Variants in NR3C2 observed in about 807,000 individuals in gnomAD.
The protein encoded by NR3C2 is mineralocorticoid receptor.
Under a neutral mutation model 86.4 loss-of-function variants are expected in NR3C2, and 15 were observed. The observed-to-expected ratio is 0.17, with a 90% CI of 0.12 to 0.27. NR3C2 has a LOEUF of 0.27. NR3C2 is among the 10% of genes least tolerant of loss of function. NR3C2 has a pLI of 1.00. For missense variants in NR3C2, 960 were observed against 1,195.6 expected, an observed-to-expected ratio of 0.80 and a Z score of 2.91; for synonymous variants, 458 against 450.5, an observed-to-expected ratio of 1.02 and a Z score of -0.21.
intron 2 of NR3C2, among the ~76,000 whole-genome samples, chr4:148,297,971 A>G (rs143004827): frequency 7.4e-4 from 113 of 152,142 alleles, no homozygotes; most frequent in African/African-American, 2.5e-3. Flanking sequence ...AGTAAAAGGA[A>G]CTCTCAGGCA....
chr4:148,257,090 T>C (rs1329795588), intron 3 of NR3C2, among the ~76,000 whole-genome samples: 1 of 152,200 alleles, frequency 6.6e-6, no homozygotes, highest in African/African-American at 2.4e-5. Flanking sequence ...CTGTTCCTGG[T>C]GCCATTATTT....
At chr4:148,291,252 T>C (rs890000861) in intron 2 of NR3C2, among the ~76,000 whole-genome samples, 2 of 152,112 alleles carry the variant, frequency 1.3e-5, no homozygotes, top group African/African-American at 2.4e-5. Context: ...TTTTTTTCCC[T>C]AACCATTCCA....
chr4:148,386,436 A>G (rs939813324), intron 2 of NR3C2, among the ~76,000 whole-genome samples: 1 of 152,186 alleles, frequency 6.6e-6, no homozygotes, highest in Non-Finnish European at 1.5e-5. Flanking sequence ...GGCCACAAAC[A>G]CTATGATTAA....
At chr4:148,325,866 T>C (rs1179949935) in intron 2 of NR3C2, among the ~76,000 whole-genome samples, 1 of 152,146 alleles carries the variant, frequency 6.6e-6, no homozygotes, top group Non-Finnish European at 1.5e-5. Flanking sequence ...ATTTTTTCCA[T>C]TAAGTAGGAG....
intron 2 of NR3C2, among the ~76,000 whole-genome samples, chr4:148,345,679 T>G (rs978560149): frequency 2.0e-5 from 3 of 151,930 alleles, no homozygotes; most frequent in Non-Finnish European, 4.4e-5. Flanking sequence ...GAAGCTGCGA[T>G]GTTCCAAAGG....
intron 8 of NR3C2, among the ~76,000 whole-genome samples, chr4:148,084,198 C>T (rs1730706628): frequency 6.6e-6 from 1 of 152,128 alleles, no homozygotes; most frequent in Non-Finnish European, 1.5e-5. Flanking sequence ...AGAAGAGCAA[C>T]TCCAAGACAC....
intron 6 of NR3C2, among the ~76,000 whole-genome samples, chr4:148,138,096 A>G (rs1733432128): frequency 6.6e-6 from 1 of 152,160 alleles, no homozygotes; most frequent in African/African-American, 2.4e-5. Context: ...TGAGAGCGTA[A>G]AGGGTCCTGA....
intron 2 of NR3C2, among the ~76,000 whole-genome samples, chr4:148,285,123 G>T (rs1741448749): frequency 6.6e-6 from 1 of 152,196 alleles, no homozygotes; most frequent in South Asian, 2.1e-4. Context: ...CCCTACAACT[G>T]TCATGTGATT....
At chr4:148,144,082 C>T (rs1201288771) in intron 6 of NR3C2, among the ~76,000 whole-genome samples, 4 of 152,000 alleles carry the variant, frequency 2.6e-5, no homozygotes, top group Non-Finnish European at 5.9e-5. Context: ...CTATCTTCTG[C>T]GTGCTCAGTC....
At chr4:148,336,218 A>G (rs148858433) in intron 2 of NR3C2, among the ~76,000 whole-genome samples, 48 of 152,288 alleles carry the variant, frequency 3.2e-4, no homozygotes, top group African/African-American at 1.1e-3. Flanking sequence ...GAGCTGCAGG[A>G]TAATGGCAGC....
At chr4:148,093,054 T>A (rs1199866184) in intron 8 of NR3C2, among the ~76,000 whole-genome samples, 2 of 152,246 alleles carry the variant, frequency 1.3e-5, no homozygotes, top group Non-Finnish European at 2.9e-5. Flanking sequence ...GGAAGATTTA[T>A]GCATTGACTT....
chr4:148,358,308 C>A (rs566986498), intron 2 of NR3C2, among the ~76,000 whole-genome samples: 3 of 152,156 alleles, frequency 2.0e-5, no homozygotes, highest in Admixed American at 1.3e-4. Flanking sequence ...ATGATGAGTT[C>A]ATGTCCTTTG....
chr4:148,223,084 G>A (rs77257461), intron 3 of NR3C2, among the ~76,000 whole-genome samples: 2,553 of 152,198 alleles, frequency 0.017, 28 homozygotes, highest in Non-Finnish European at 0.028. Context: ...TTTTAAAAGC[G>A]ACACAAATTG....
chr4:148,418,270 T>C (rs1749108454), intron 2 of NR3C2, among the ~76,000 whole-genome samples: 1 of 152,190 alleles, frequency 6.6e-6, no homozygotes, highest in Admixed American at 6.5e-5. Context: ...TGAGTATTGA[T>C]TTTTATGAAT....
chr4:148,294,854 G>A (rs962557540), intron 2 of NR3C2, among the ~76,000 whole-genome samples: 15 of 152,034 alleles, frequency 9.9e-5, no homozygotes, highest in African/African-American at 3.6e-4. Flanking sequence ...AGGGTGTGGT[G>A]GCACATGCTT....
chr4:148,107,123 C>G (rs4613545), intron 8 of NR3C2, among the ~76,000 whole-genome samples: 1 of 152,036 alleles, frequency 6.6e-6, no homozygotes, highest in Non-Finnish European at 1.5e-5. Flanking sequence ...TGACAAAGGT[C>G]TAATATCCAG....
In NR3C2 at chr4:148,257,674, T is replaced by C. The variant is rs556427226; in HGVS notation, c.1897+2304A>G. 5.3e-5 allele frequency among the ~76,000 whole-genome samples: 8 copies of C among 152,204 alleles called. No homozygotes were observed. In the South Asian group the frequency reaches 1.7e-3, roughly 31 times the overall value. On this transcript the variant is annotated intron_variant, in intron 3 of 8. Coordinates refer to ENST00000358102, the MANE Select transcript of NR3C2 (RefSeq NM_000901.5). ...ATCTCATTAATTAAAAAATATTTTA[T>C]ATAAAGATAGCCATCTTTTTCACAT...
intron 3 of NR3C2, among the ~76,000 whole-genome samples, chr4:148,221,383 A>G (rs907566269): frequency 2.5e-4 from 38 of 152,214 alleles, no homozygotes; most frequent in African/African-American, 8.9e-4. Flanking sequence ...TGTCAGAGAG[A>G]AAAGGACTCT....
intron 2 of NR3C2, among the ~76,000 whole-genome samples, chr4:148,294,310 T>C (rs1201014270): frequency 6.6e-6 from 1 of 152,190 alleles, no homozygotes; most frequent in African/African-American, 2.4e-5. Context: ...TGCTCAATAT[T>C]AATCCCCAAA....
Sources: allele counts gnomAD v4.1 joint callset (sites outside exome capture counted in the v4.1 genomes callset), GRCh38; gene constraint gnomAD v4.1.1; transcripts MANE v1.5; gene names NCBI Gene and HGNC (gene_info 2026-07-23, HGNC 2026-07-21).